The following KCNH7 variants were observed in gnomAD, a reference collection of about 807,000 sequenced individuals.
The protein encoded by KCNH7 is potassium voltage-gated channel subfamily H member 7.
A neutral mutation model predicts 120.8 loss-of-function variants in KCNH7; 49 were observed. The observed-to-expected ratio is 0.41, with a 90% confidence interval of 0.32 to 0.51. The LOEUF is 0.51. Among genes scored for constraint, KCNH7 ranks in the 20% least tolerant of loss-of-function variants. The pLI is 0.38. For synonymous variants in KCNH7, 547 were observed against 516.1 expected, an observed-to-expected ratio of 1.06 and a Z score of -0.81; for missense variants, 1,097 against 1,446.6, an observed-to-expected ratio of 0.76 and a Z score of 3.92.
At chr2:162,625,283 C>A (rs1431090512) in intron 2 of KCNH7, among the ~76,000 whole-genome samples, 1 of 152,014 alleles carries the variant, frequency 6.6e-6, no homozygotes, top group East Asian at 1.9e-4. Flanking sequence ...ATATACTTAA[C>A]CCCTTGGGGC....
chr2:162,603,254 G>A (rs192790052), intron 2 of KCNH7, among the ~76,000 whole-genome samples: 2 of 151,962 alleles, frequency 1.3e-5, no homozygotes, highest in East Asian at 3.9e-4. Context: ...TATATAGATT[G>A]CAAGAAGATA....
intron 2 of KCNH7, among the ~76,000 whole-genome samples, chr2:162,593,896 A>G (rs897681111): frequency 1.1e-4 from 16 of 151,938 alleles, no homozygotes; most frequent in Non-Finnish European, 2.1e-4. Flanking sequence ...CATATTTCTC[A>G]CTTTCATTCA....
At chr2:162,447,895 G>A (rs2105561779) in intron 6 of KCNH7, among the ~76,000 whole-genome samples, 1 of 152,092 alleles carries the variant, frequency 6.6e-6, no homozygotes, top group Non-Finnish European at 1.5e-5. Flanking sequence ...AAAAGATTCA[G>A]CTAAAATAGG....
At chr2:162,479,766 A>T (rs1689867245) in intron 6 of KCNH7, among the ~76,000 whole-genome samples, 1 of 151,904 alleles carries the variant, frequency 6.6e-6, no homozygotes, top group Admixed American at 6.6e-5. Flanking sequence ...AAGAGAAATA[A>T]TATTTTTACC....
chr2:162,526,316 G>A (rs778214641), intron 3 of KCNH7, among the ~76,000 whole-genome samples: 4 of 151,772 alleles, frequency 2.6e-5, no homozygotes, highest in East Asian at 3.9e-4. Context: ...GTGAAGTTTC[G>A]GGCACTCATT....
intron 2 of KCNH7, among the ~76,000 whole-genome samples, chr2:162,762,168 G>C (rs1039994725): frequency 6.6e-6 from 1 of 151,592 alleles, no homozygotes; most frequent in Non-Finnish European, 1.5e-5. Flanking sequence ...TATTTTCCCT[G>C]ACTAGAGATC....
In KCNH7 at chr2:162,838,472, C is replaced by T; in HGVS notation, c.47G>A (p.Gly16Glu). 1 of 1,613,844 alleles carries T rather than the reference C, an allele frequency of 6.2e-7. No individual in the cohort carries two copies. Among genetic ancestry groups the T allele is most frequent in the South Asian group, 1.1e-5 (1 of 91,070 alleles). Residue 16 changes from glycine (G) to glutamate (E), a missense_variant, in exon 1 of 16, where the codon GGG becomes GAG. Coordinates refer to ENST00000332142, the MANE Select transcript of KCNH7 (RefSeq NM_033272.4). ...CCCTTCAAATTTCCGAATGATGGTC[C>T]CCAGAAATGTATTTTGTGGTGCCAC... is the stretch of plus-strand genomic sequence containing the variant. ...GHVAPQNTFL[G>E]TIIRKFEGQN...
At chr2:162,673,715 T>C (rs1685438615) in intron 2 of KCNH7, among the ~76,000 whole-genome samples, 1 of 152,070 alleles carries the variant, frequency 6.6e-6, no homozygotes, top group South Asian at 2.1e-4. Flanking sequence ...ACATGAGGAA[T>C]AAATGAGTGT....
intron 8 of KCNH7, among the ~76,000 whole-genome samples, chr2:162,430,312 T>G (rs2105508909): frequency 6.6e-6 from 1 of 152,190 alleles, no homozygotes; most frequent in Middle Eastern, 3.4e-3. Flanking sequence ...CTTTGCTGGG[T>G]TTTTGGGAGT....
chr2:162,578,770 TGGG>T (rs1464863515), intron 2 of KCNH7, among the ~76,000 whole-genome samples: 1 of 152,020 alleles, frequency 6.6e-6, no homozygotes, highest in Non-Finnish European at 1.5e-5. Flanking sequence ...AGTGTAGAAG[TGGG>T]ACCTATTTCC....
chr2:162,596,206 A>C (rs1358463340), intron 2 of KCNH7, among the ~76,000 whole-genome samples: 1 of 152,052 alleles, frequency 6.6e-6, no homozygotes, highest in African/African-American at 2.4e-5. Flanking sequence ...CTTCACAGAC[A>C]GAGAATTCTA....
intron 5 of KCNH7, among the ~76,000 whole-genome samples, chr2:162,507,563 C>T (rs1690922719): frequency 1.3e-5 from 2 of 151,520 alleles, no homozygotes; most frequent in African/African-American, 4.8e-5. Flanking sequence ...TTCAATTTCT[C>T]ATTACATAAC....
chr2:162,688,335 A>T (rs1685970137), intron 2 of KCNH7, among the ~76,000 whole-genome samples: 1 of 152,096 alleles, frequency 6.6e-6, no homozygotes, highest in South Asian at 2.1e-4. Context: ...CATGGATTCC[A>T]GTTTTTCACC....
intron 6 of KCNH7, among the ~76,000 whole-genome samples, chr2:162,448,173 A>G (rs767758680): frequency 6.6e-6 from 1 of 152,112 alleles, no homozygotes; most frequent in Non-Finnish European, 1.5e-5. Context: ...TTCAAAATCC[A>G]AACGGGAGTA....
chr2:162,587,936 C>T (rs1384984475), intron 2 of KCNH7, among the ~76,000 whole-genome samples: 2 of 152,112 alleles, frequency 1.3e-5, no homozygotes, highest in Non-Finnish European at 2.9e-5. Context: ...ACAAGTTCTA[C>T]TGCTTATACC....
intron 2 of KCNH7, among the ~76,000 whole-genome samples, chr2:162,703,816 C>A (rs1320053143): frequency 6.6e-6 from 1 of 152,114 alleles, no homozygotes; most frequent in East Asian, 1.9e-4. Context: ...ATCTGAAATA[C>A]TGACAATACA....
chr2:162,664,647 C>A (rs1022740549), intron 2 of KCNH7, among the ~76,000 whole-genome samples: 3 of 151,972 alleles, frequency 2.0e-5, no homozygotes, highest in Non-Finnish European at 4.4e-5. Flanking sequence ...TCGTAGATTA[C>A]AATAATAAAT....
intron 2 of KCNH7, among the ~76,000 whole-genome samples, chr2:162,726,783 T>C (rs1224193103): frequency 1.3e-5 from 2 of 152,160 alleles, no homozygotes; most frequent in Non-Finnish European, 2.9e-5. Context: ...TTCAATTGGC[T>C]TCAGTATCTT....
intron 9 of KCNH7, 79 bp downstream of exon 9, chr2:162,423,257 G>T (rs761013772): frequency 6.2e-7 from 1 of 1,608,624 alleles, no homozygotes; most frequent in South Asian, 1.1e-5. Context: ...TTCAAAGCTG[G>T]TGATTCCGGC....
Sources: gnomAD v4.1 joint callset for allele counts (sites outside exome capture counted in the v4.1 genomes callset) on GRCh38, gnomAD v4.1.1 for gene constraint, MANE v1.5 for transcripts, NCBI Gene and HGNC (gene_info 2026-07-23, HGNC 2026-07-21) for gene names.